Variants in RNF130 observed in about 807,000 individuals in gnomAD.
RNF130 encodes the protein E3 ubiquitin-protein ligase RNF130.
A neutral mutation model predicts 44.6 loss-of-function variants in RNF130; 21 were observed. The observed-to-expected ratio is 0.47, with a 90% confidence interval of 0.33 to 0.68. The LOEUF (loss-of-function observed/expected upper bound fraction) is 0.68. Among genes scored for constraint, RNF130 ranks in the 30% least tolerant of loss-of-function variants. The pLI, the probability that RNF130 is intolerant of heterozygous loss-of-function variation, is 0.02. For synonymous variants in RNF130, 214 were observed against 210.4 expected, an observed-to-expected ratio of 1.02 and a Z score of -0.15; for missense variants, 479 against 560.6, an observed-to-expected ratio of 0.85 and a Z score of 1.47.
intron 2 of RNF130, 130 bp downstream of exon 2, chr5:180,040,323 A>ATTTGT (rs1764377474): frequency 2.3e-6 from 2 of 852,606 alleles, no homozygotes; most frequent in African/African-American, 3.4e-5. Flanking sequence ...CATGCATCCC[A>ATTTGT]ACAAACAAAT....
intron 7 of RNF130, among the ~76,000 whole-genome samples, chr5:179,925,664 G>T (rs1345211422): frequency 6.6e-6 from 1 of 152,158 alleles, no homozygotes; most frequent in African/African-American, 2.4e-5. Context: ...CAGAAACTGG[G>T]ACTACAGGTA....
chr5:179,974,425 G>A (rs1231359091), intron 5 of RNF130, among the ~76,000 whole-genome samples: 1 of 152,232 alleles, frequency 6.6e-6, no homozygotes, highest in African/African-American at 2.4e-5. Context: ...AATCAGCCGT[G>A]ATCACTGAGC....
At chr5:179,952,239 T>C (rs987413125), downstream of RNF130, among the ~76,000 whole-genome samples, 1 of 151,528 alleles carries the variant, frequency 6.6e-6, no homozygotes, top group Non-Finnish European at 1.5e-5. Flanking sequence ...ATTAATGAAA[T>C]AGAGAATAGA....
intron 1 of RNF130, among the ~76,000 whole-genome samples, chr5:180,053,328 G>C (rs1242106639): frequency 6.6e-6 from 1 of 152,112 alleles, no homozygotes; most frequent in East Asian, 1.9e-4. Flanking sequence ...CCGAACAGAA[G>C]TGACAAGTCA....
intron 5 of RNF130, among the ~76,000 whole-genome samples, chr5:179,976,040 G>A (rs1762709854): frequency 6.6e-6 from 1 of 152,176 alleles, no homozygotes; most frequent in Admixed American, 6.5e-5. Context: ...TTTAAAAAGA[G>A]GGCCAGACGT....
At chr5:179,951,304 CAAGAT>C (rs367551468), downstream of RNF130, among the ~76,000 whole-genome samples, 6 of 151,964 alleles carry the variant, frequency 3.9e-5, no homozygotes, top group African/African-American at 9.7e-5. Flanking sequence ...AGAAGAAAAA[CAAGAT>C]AAGATTTGAG....
Position 179,958,041 on chromosome 5 carries a change from C to A in RNF130, c.1245-2372G>T, listed in dbSNP as rs1276906721. 5.9e-5 allele frequency among the ~76,000 whole-genome samples: 9 copies of A among 152,070 alleles called. No individual in the cohort carries two copies. In the South Asian group the frequency reaches 1.9e-3, roughly 32 times the overall value. Reference sequence around the variant, plus strand: ...TACAGGCGCCCGCCACTACGCCCGGCTAATTTTTTGTATTTTTAGTAGAGA... The same window carrying A: ...TACAGGCGCCCGCCACTACGCCCGGATAATTTTTTGTATTTTTAGTAGAGA... On this transcript the variant is annotated intron_variant, in intron 8 of 8. Transcript: ENST00000521389.
At chr5:179,941,973 A>T (rs1014025894) in intron 7 of RNF130, among the ~76,000 whole-genome samples, 1 of 151,972 alleles carries the variant, frequency 6.6e-6, no homozygotes, top group Non-Finnish European at 1.5e-5. Context: ...CTGTTATCCT[A>T]TTTGCTGTTT....
intron 1 of RNF130, among the ~76,000 whole-genome samples, chr5:180,060,358 T>C (rs531797606): frequency 6.6e-6 from 1 of 152,380 alleles, no homozygotes; most frequent in East Asian, 1.9e-4. Context: ...GCTCCTGGCC[T>C]AGCCAATCAG....
At chr5:179,948,148 G>A (rs941543597) in intron 7 of RNF130, among the ~76,000 whole-genome samples, 2 of 152,162 alleles carry the variant, frequency 1.3e-5, no homozygotes, top group Non-Finnish European at 2.9e-5. Flanking sequence ...TGAACCTTTT[G>A]AACCATCAGT....
downstream of RNF130, among the ~76,000 whole-genome samples, chr5:179,950,343 C>T (rs1378383844): frequency 6.6e-6 from 1 of 152,076 alleles, no homozygotes. Flanking sequence ...TATCAAATCC[C>T]TGGGCTCAAC....
intron 6 of RNF130, among the ~76,000 whole-genome samples, chr5:179,968,378 A>C (rs1247595280): frequency 6.7e-6 from 1 of 148,404 alleles, no homozygotes; most frequent in Non-Finnish European, 1.5e-5. Flanking sequence ...AAGTTTCTAC[A>C]CTGTTGGCCA....
intron 2 of RNF130, among the ~76,000 whole-genome samples, chr5:180,023,824 C>T (rs549714247): frequency 2.6e-4 from 39 of 152,352 alleles, no homozygotes; most frequent in African/African-American, 8.4e-4. Context: ...TAAATCCCCA[C>T]TTATTAAGTG....
At chr5:179,935,650 A>G (rs1241043824) in intron 7 of RNF130, among the ~76,000 whole-genome samples, 1 of 152,042 alleles carries the variant, frequency 6.6e-6, no homozygotes, top group African/African-American at 2.4e-5. Context: ...CTGGTCCTAT[A>G]GTCCTCTCCT....
At chr5:180,010,076 T>A (rs529307515) in intron 3 of RNF130, among the ~76,000 whole-genome samples, 1 of 151,674 alleles carries the variant, frequency 6.6e-6, no homozygotes, top group East Asian at 2.0e-4. Context: ...TGAAACCCCA[T>A]CTCTACTAAA....
At chr5:180,053,955 G>A (rs1158166268) in intron 1 of RNF130, among the ~76,000 whole-genome samples, 2 of 151,502 alleles carry the variant, frequency 1.3e-5, no homozygotes, top group Non-Finnish European at 1.5e-5. Flanking sequence ...TTAGCCTCCC[G>A]AGTAGCTGGG....
chr5:179,934,493 G>A (rs456958), intron 7 of RNF130, among the ~76,000 whole-genome samples: 60,072 of 149,516 alleles, frequency 0.4, 12,846 homozygotes, highest in East Asian at 0.63. Context: ...AATTTTATTC[G>A]TCATTTTAAA....
intron 3 of RNF130, among the ~76,000 whole-genome samples, chr5:179,983,333 CTTT>C (rs35802224): frequency 6.5e-5 from 7 of 108,354 alleles, no homozygotes; most frequent in Admixed American, 9.2e-5. Context: ...TACAGATGAA[CTTT>C]TTTTTTTTTT....
At chr5:180,055,100 T>C (rs1321846415) in intron 1 of RNF130, among the ~76,000 whole-genome samples, 1 of 151,846 alleles carries the variant, frequency 6.6e-6, no homozygotes, top group African/African-American at 2.4e-5. Flanking sequence ...CCCAGCACTT[T>C]GGGTGGCCAA....
Sources: gnomAD v4.1 joint callset for allele counts (sites outside exome capture counted in the v4.1 genomes callset) on GRCh38, gnomAD v4.1.1 for gene constraint, MANE v1.5 for transcripts, NCBI Gene and HGNC (gene_info 2026-07-23, HGNC 2026-07-21) for gene names.